The following AGMO variants were observed in gnomAD, a reference collection of about 807,000 sequenced individuals.
AGMO encodes glyceryl-ether monooxygenase.
In AGMO, 75 loss-of-function variants were observed where a neutral mutation model predicts 60.2. That is an observed-to-expected ratio of 1.25 (90% CI 1.03 to 1.51). The LOEUF (loss-of-function observed/expected upper bound fraction) is 1.51. AGMO is among the 40% of genes most tolerant of loss of function. The pLI is 0.00. For missense variants in AGMO, 763 were observed against 525.5 expected (o/e 1.45, Z -4.42); for synonymous variants, 261 against 177.1 (o/e 1.47, Z -3.76).
intron 3 of AGMO, among the ~76,000 whole-genome samples, chr7:15,503,610 G>A (rs1783441630): frequency 2.0e-5 from 3 of 152,002 alleles, no homozygotes; most frequent in Non-Finnish European, 4.4e-5. Flanking sequence ...ATGAGCTGCA[G>A]AAGAAATAAC....
chr7:15,452,482 A>T (rs561333170), intron 3 of AGMO, among the ~76,000 whole-genome samples: 104 of 152,336 alleles, frequency 6.8e-4, no homozygotes, highest in African/African-American at 2.2e-3. Context: ...GCACATAAAA[A>T]ATGCATAATG....
intron 12 of AGMO, among the ~76,000 whole-genome samples, chr7:15,335,830 T>C (rs1228141552): frequency 6.6e-6 from 1 of 152,192 alleles, no homozygotes; most frequent in African/African-American, 2.4e-5. Flanking sequence ...ATTCACAATA[T>C]TCGGATTTCT....
chr7:15,512,066 AATAAG>A (rs759590261), intron 3 of AGMO, among the ~76,000 whole-genome samples: 1 of 152,014 alleles, frequency 6.6e-6, no homozygotes, highest in East Asian at 1.9e-4. Context: ...AAATAATTTT[AATAAG>A]ATAACTATGA....
In AGMO at chr7:15,556,811, A is replaced by G. The variant is rs564851552; in HGVS notation, c.257+3330T>C. ...ATTGTTAGAAACGCAGATTATCTGC[A>G]TGATACACTGTGTTTATCTAGAATA... is the stretch of plus-strand genomic sequence containing the variant. On this transcript the variant is annotated intron_variant, in intron 2 of 12. Transcript: ENST00000342526. Among the ~76,000 whole-genome samples, 6 of 152,194 alleles carry G rather than the reference A, an allele frequency of 3.9e-5. No individual in the cohort carries two copies. The East Asian group carries it at 1.2e-3, about 29-fold the overall frequency.
chr7:15,474,919 T>C lies in AGMO; in HGVS notation c.410-43811A>G, dbSNP rs187876125. ...GACACGTCTCAAAAGAAGACATTTA[T>C]GTGGCCGACAAACATGAAAAAAAGC... On this transcript the variant is annotated intron_variant, in intron 3 of 12. Coordinates refer to ENST00000342526, the MANE Select transcript of AGMO (RefSeq NM_001004320.2). Among the ~76,000 whole-genome samples, 44 of 152,178 alleles carry C rather than the reference T, an allele frequency of 2.9e-4. No homozygotes were observed. In the East Asian group the frequency reaches 8.1e-3, roughly 28 times the overall value.
chr7:15,561,854 T>G lies in AGMO; in HGVS notation c.-9A>C. On this transcript the variant is annotated 5_prime_UTR_variant, in exon 1 of 13. Coordinates refer to ENST00000342526, the MANE Select transcript of AGMO (RefSeq NM_001004320.2). Reference sequence around the variant, plus strand: ...GCTTCTGGGTTCTTCATTTCTGCCCTTGTCTGATTCCCAGCTGGAGAATAT... The same window carrying G: ...GCTTCTGGGTTCTTCATTTCTGCCCGTGTCTGATTCCCAGCTGGAGAATAT... 6.3e-7 allele frequency: 1 copy of G among 1,589,306 alleles called. No individual in the cohort carries two copies. The highest frequency in any genetic ancestry group is 8.6e-7 in the Non-Finnish European group (1 of 1,166,444).
the AGMO span, among the ~76,000 whole-genome samples, chr7:15,119,349 C>G: frequency 9.2e-5 from 14 of 151,990 alleles, no homozygotes; most frequent in Non-Finnish European, 1.9e-4. Flanking sequence ...GCCAATTAAA[C>G]CTCTTTTCTT....
chr7:15,287,184 C>G (rs1030017985), intron 12 of AGMO, among the ~76,000 whole-genome samples: 1 of 151,970 alleles, frequency 6.6e-6, no homozygotes, highest in African/African-American at 2.4e-5. Context: ...TACAATTCAT[C>G]CATGTAATCA....
chr7:15,435,289 A>G (rs1781368223), intron 3 of AGMO, among the ~76,000 whole-genome samples: 1 of 150,640 alleles, frequency 6.6e-6, no homozygotes, highest in African/African-American at 2.4e-5. Flanking sequence ...AGGACCTATC[A>G]AATTGTTTTC....
chr7:15,332,504 A>G (rs779885235), intron 12 of AGMO, among the ~76,000 whole-genome samples: 28 of 152,248 alleles, frequency 1.8e-4, no homozygotes, highest in Admixed American at 9.2e-4. Context: ...ATCCTCTAAT[A>G]TATCACCTAA....
intron 12 of AGMO, among the ~76,000 whole-genome samples, chr7:15,242,974 A>G (rs972290125): frequency 6.6e-6 from 1 of 152,108 alleles, no homozygotes; most frequent in Non-Finnish European, 1.5e-5. Context: ...AATAAGCATT[A>G]TTGGTAAGAA....
intron 12 of AGMO, among the ~76,000 whole-genome samples, chr7:15,312,930 A>C (rs187892710): frequency 6.6e-6 from 1 of 152,246 alleles, no homozygotes; most frequent in East Asian, 1.9e-4. Flanking sequence ...CGGCCTCCCA[A>C]AGTGCTGGGA....
intron 12 of AGMO, among the ~76,000 whole-genome samples, chr7:15,252,065 T>A (rs948136685): frequency 4.6e-5 from 7 of 152,222 alleles, no homozygotes; most frequent in South Asian, 2.1e-4. Context: ...TTTAGGTCTT[T>A]TCATGGAAAC....
At chr7:15,426,237 A>G (rs1246896637) in intron 4 of AGMO, among the ~76,000 whole-genome samples, 1 of 152,182 alleles carries the variant, frequency 6.6e-6, no homozygotes, top group Non-Finnish European at 1.5e-5. Flanking sequence ...TTTGACAACT[A>G]TAATACTTTC....
chr7:15,392,310 G>A (rs979500330), intron 6 of AGMO, among the ~76,000 whole-genome samples: 4 of 120,522 alleles, frequency 3.3e-5, no homozygotes, highest in African/African-American at 1.5e-4. Context: ...TCCTGACCTC[G>A]TGATCCGCGA....
At chr7:15,548,568 G>A (rs368057249) in intron 2 of AGMO, among the ~76,000 whole-genome samples, 12,527 of 151,870 alleles carry the variant, frequency 0.082, 715 homozygotes, top group African/African-American at 0.16. Context: ...GGGTATCAGC[G>A]ATGGAAGATG....
chr7:15,312,319 C>A (rs1780789931), intron 12 of AGMO, among the ~76,000 whole-genome samples: 1 of 152,012 alleles, frequency 6.6e-6, no homozygotes. Context: ...AGCCTAAGTA[C>A]ATAATATTAA....
At chr7:15,532,099 G>C (rs1288949858) in intron 3 of AGMO, among the ~76,000 whole-genome samples, 1 of 152,176 alleles carries the variant, frequency 6.6e-6, no homozygotes, top group Non-Finnish European at 1.5e-5. Context: ...GAGTGAAGCA[G>C]AGGAAGCATC....
At chr7:15,255,382 TG>T (rs1783065297) in intron 12 of AGMO, among the ~76,000 whole-genome samples, 1 of 152,064 alleles carries the variant, frequency 6.6e-6, no homozygotes, top group African/African-American at 2.4e-5. Flanking sequence ...TTAAAGAAAC[TG>T]ATATTTTCGC....
Sources: gnomAD v4.1 joint callset for allele counts (sites outside exome capture counted in the v4.1 genomes callset) on GRCh38, gnomAD v4.1.1 for gene constraint, MANE v1.5 for transcripts, NCBI Gene and HGNC (gene_info 2026-07-23, HGNC 2026-07-21) for gene names.